RASAL2: variants seen among roughly 807,000 people sequenced by gnomAD.
RASAL2 encodes the protein RAS protein activator like 2.
RASAL2 carries 58 observed loss-of-function variants against 128.9 expected under a neutral mutation model. The observed-to-expected ratio is 0.45, with a 90% CI of 0.36 to 0.56. RASAL2 has a LOEUF of 0.56. Ranked by LOEUF, RASAL2 falls within the 20% of genes least tolerant of loss-of-function variation. The pLI, the probability that RASAL2 is intolerant of heterozygous loss-of-function variation, is 0.00. For missense variants in RASAL2, 1,360 were observed against 1,601.6 expected, an observed-to-expected ratio of 0.85 and a Z score of 2.57; for synonymous variants, 561 against 580.8, an observed-to-expected ratio of 0.97 and a Z score of 0.49.
intron 1 of RASAL2, among the ~76,000 whole-genome samples, chr1:178,111,498 C>T (rs1229142769): frequency 2.0e-5 from 3 of 152,178 alleles, no homozygotes; most frequent in Non-Finnish European, 4.4e-5. Flanking sequence ...TCCATTATCA[C>T]ATTTTCCTAC....
intron 1 of RASAL2, among the ~76,000 whole-genome samples, chr1:178,167,231 CTTTAAG>C (rs1261043927): frequency 5.3e-5 from 8 of 152,022 alleles, no homozygotes; most frequent in Admixed American, 2.6e-4. Context: ...TGACTGTGGA[CTTTAAG>C]TTTAAATTAG....
intron 3 of RASAL2, among the ~76,000 whole-genome samples, chr1:178,301,656 C>T (rs1309839401): frequency 6.6e-6 from 1 of 152,146 alleles, no homozygotes; most frequent in Non-Finnish European, 1.5e-5. Context: ...TGGTCTCAAA[C>T]TCCCGACCAC....
Position 178,444,162 on chromosome 1 carries a change from T to G in RASAL2, c.1482+933T>G, listed in dbSNP as rs149177455. 4.3e-3 allele frequency among the ~76,000 whole-genome samples: 662 copies of G among 152,290 alleles called. 4 individuals are homozygous for G. The highest frequency in any genetic ancestry group is 0.015 in the African/African-American group (636 of 41,574). On this transcript the variant is annotated intron_variant, in intron 8 of 17. Coordinates refer to ENST00000367649, the MANE Select transcript of RASAL2 (RefSeq NM_170692.4). ...TGAAATTTTGAATTGTATGGATATA[T>G]TTCTACTTTTCAGTTGCTCAAGGTT... is the stretch of plus-strand genomic sequence containing the variant.
intron 1 of RASAL2, among the ~76,000 whole-genome samples, chr1:178,282,174 A>G (rs1307412721): frequency 6.6e-6 from 1 of 152,166 alleles, no homozygotes; most frequent in African/African-American, 2.4e-5. Flanking sequence ...TCTAAGAATT[A>G]GTAACATGTC....
chr1:178,240,332 C>T (rs1664445311), intron 1 of RASAL2, among the ~76,000 whole-genome samples: 1 of 152,062 alleles, frequency 6.6e-6, no homozygotes, highest in Non-Finnish European at 1.5e-5. Context: ...CTAGATGTAT[C>T]ATTTTGTTTA....
chr1:178,210,367 G>A (rs1663210140), intron 1 of RASAL2, among the ~76,000 whole-genome samples: 2 of 152,024 alleles, frequency 1.3e-5, no homozygotes, highest in African/African-American at 4.8e-5. Context: ...TATTTTTGTT[G>A]CCTGTTGATT....
intron 1 of RASAL2, among the ~76,000 whole-genome samples, chr1:178,115,728 A>C (rs1436994476): frequency 6.6e-6 from 1 of 152,190 alleles, no homozygotes; most frequent in Non-Finnish European, 1.5e-5. Context: ...GTGGTGTAGA[A>C]AATAGATTCC....
intron 1 of RASAL2, among the ~76,000 whole-genome samples, chr1:178,167,826 G>A (rs1306716091): frequency 6.6e-6 from 1 of 151,762 alleles, no homozygotes; most frequent in Admixed American, 6.6e-5. Context: ...TTTATTGAAA[G>A]AAACTCACAT....
chr1:178,306,262 G>A (rs1026198904), intron 3 of RASAL2, among the ~76,000 whole-genome samples: 2 of 152,112 alleles, frequency 1.3e-5, no homozygotes, highest in Non-Finnish European at 2.9e-5. Flanking sequence ...ATTCCATGGT[G>A]TATATGTGCC....
chr1:178,160,548 T>C (rs1311380185), intron 1 of RASAL2, among the ~76,000 whole-genome samples: 1 of 152,062 alleles, frequency 6.6e-6, no homozygotes, highest in Non-Finnish European at 1.5e-5. Flanking sequence ...GGCAGGAGAA[T>C]CGCTTGAACC....
rs187654070 is a variant in RASAL2 at position 178,370,903 on chromosome 1, T to G, written c.458-19197T>G. 2.0e-5 allele frequency among the ~76,000 whole-genome samples: 3 copies of G among 152,230 alleles called. No individual in the cohort carries two copies. In the East Asian group the frequency reaches 5.8e-4, roughly 29 times the overall value. On this transcript the variant is annotated intron_variant, in intron 3 of 17. Transcript: ENST00000367649. ...GGATATGTTAAGGAGGTAGTAACTCTTAATCAATGAGAATCTCTCACTGAA... is the reference window on the plus strand; with the variant it reads ...GGATATGTTAAGGAGGTAGTAACTCGTAATCAATGAGAATCTCTCACTGAA...
intron 3 of RASAL2, among the ~76,000 whole-genome samples, chr1:178,362,288 T>G (rs1230035029): frequency 6.6e-6 from 1 of 152,194 alleles, no homozygotes. Flanking sequence ...TGGATTTTGA[T>G]GTCTGTAGGA....
intron 1 of RASAL2, among the ~76,000 whole-genome samples, chr1:178,248,300 ATTCATCCCT>A (rs1664873281): frequency 6.6e-6 from 1 of 152,150 alleles, no homozygotes; most frequent in Non-Finnish European, 1.5e-5. Flanking sequence ...TTCTTGGTGC[ATTCATCCCT>A]TTACCATTAT....
rs554188951 is a variant in RASAL2 at position 178,357,551 on chromosome 1, T to C, written c.458-32549T>C. On this transcript the variant is annotated intron_variant, in intron 3 of 17. Transcript: ENST00000367649. ...AATTAGTTTTTCCTTTCAAAAGGTA[T>C]TTGGCCTTTTATTCATGTACTTACT... Among the ~76,000 whole-genome samples, 152 of 152,298 alleles carry C rather than the reference T, an allele frequency of 1.0e-3. 1 individual carries two copies. Among genetic ancestry groups the C allele is most frequent in the Non-Finnish European group, 1.9e-3 (127 of 68,014 alleles).
intron 1 of RASAL2, among the ~76,000 whole-genome samples, chr1:178,136,403 A>C (rs1390738713): frequency 6.6e-6 from 1 of 152,150 alleles, no homozygotes; most frequent in East Asian, 1.9e-4. Flanking sequence ...TTTCTTGTGA[A>C]GATTAAAAGA....
intron 1 of RASAL2, among the ~76,000 whole-genome samples, chr1:178,122,115 G>T (rs561260009): frequency 1.7e-4 from 26 of 152,224 alleles, no homozygotes; most frequent in African/African-American, 5.8e-4. Flanking sequence ...TTTCAAAGGA[G>T]CGTGGAATCC....
At chr1:178,218,719 A>G (rs751339226) in intron 1 of RASAL2, among the ~76,000 whole-genome samples, 1 of 152,222 alleles carries the variant, frequency 6.6e-6, no homozygotes, top group African/African-American at 2.4e-5. Flanking sequence ...TGCTTAAAAC[A>G]GATGTGCTGT....
intron 1 of RASAL2, among the ~76,000 whole-genome samples, chr1:178,236,871 C>T (rs940163556): frequency 1.4e-5 from 2 of 148,074 alleles, no homozygotes; most frequent in Non-Finnish European, 3.0e-5. Context: ...TCAAGTGGTT[C>T]TCCTGCCTCA....
chr1:178,153,765 A>G (rs1660987623), intron 1 of RASAL2, among the ~76,000 whole-genome samples: 1 of 152,058 alleles, frequency 6.6e-6, no homozygotes, highest in Non-Finnish European at 1.5e-5. Flanking sequence ...TTGTGCAGAC[A>G]CAAGTTTTTT....
Sources: gnomAD v4.1 joint callset for allele counts (sites outside exome capture counted in the v4.1 genomes callset) on GRCh38, gnomAD v4.1.1 for gene constraint, MANE v1.5 for transcripts, NCBI Gene and HGNC (gene_info 2026-07-23, HGNC 2026-07-21) for gene names.